MAGI2: variants seen among roughly 807,000 people sequenced by gnomAD.
The protein encoded by MAGI2 is membrane associated guanylate kinase, WW and PDZ domain containing 2, also known as membrane-associated guanylate kinase, WW and PDZ domain-containing protein 2.
In MAGI2, 35 loss-of-function variants were observed where a neutral mutation model predicts 133.3. The observed-to-expected ratio is 0.26, with a 90% confidence interval of 0.20 to 0.35. The LOEUF is 0.35. MAGI2 is among the 10% of genes least tolerant of loss of function. The pLI, the probability that MAGI2 is intolerant of heterozygous loss-of-function variation, is 1.00. For synonymous variants in MAGI2, 729 were observed against 710.6 expected, an observed-to-expected ratio of 1.03 and a Z score of -0.41; for missense variants, 1,636 against 1,863.4, an observed-to-expected ratio of 0.88 and a Z score of 2.25.
At chr7:78,391,105 C>T (rs887160089) in intron 6 of MAGI2, among the ~76,000 whole-genome samples, 1 of 152,110 alleles carries the variant, frequency 6.6e-6, no homozygotes, top group Admixed American at 6.6e-5. Context: ...ACAGCCATTA[C>T]GTATCCAGCC....
At chr7:78,423,336 A>G (rs1306330024) in intron 6 of MAGI2, among the ~76,000 whole-genome samples, 1 of 152,184 alleles carries the variant, frequency 6.6e-6, no homozygotes, top group Non-Finnish European at 1.5e-5. Context: ...GCCTTCCACC[A>G]TGATTGTGAG....
intron 1 of MAGI2, among the ~76,000 whole-genome samples, chr7:79,335,264 T>C (rs1174990797): frequency 6.6e-6 from 1 of 152,128 alleles, no homozygotes; most frequent in African/African-American, 2.4e-5. Context: ...GCAGAGCGTT[T>C]AGGTTGTGTC....
rs1212802846 is a variant in MAGI2, at chr7:79,223,185, A to G, written c.302-215979T>C. Among the ~76,000 whole-genome samples, 4 of 151,946 alleles carry G rather than the reference A, an allele frequency of 2.6e-5. No individual in the cohort carries two copies. In the South Asian group the frequency reaches 6.2e-4, roughly 24 times the overall value. On this transcript the variant is annotated intron_variant, in intron 1 of 21. Transcript: ENST00000354212. ...TAGGCGTGAGCCACTGCGCGTGGCCATATCTCATTTATTTTCATTAAAAAC... is the reference window on the plus strand; with the variant it reads ...TAGGCGTGAGCCACTGCGCGTGGCCGTATCTCATTTATTTTCATTAAAAAC...
At chr7:78,556,012 A>G (rs1376243160) in intron 3 of MAGI2, among the ~76,000 whole-genome samples, 2 of 152,208 alleles carry the variant, frequency 1.3e-5, no homozygotes. Flanking sequence ...AAATCTAGTA[A>G]CTATTAAAGG....
At chr7:78,395,866 A>G (rs969323590) in intron 6 of MAGI2, among the ~76,000 whole-genome samples, 1 of 152,190 alleles carries the variant, frequency 6.6e-6, no homozygotes, top group African/African-American at 2.4e-5. Context: ...ACAGCATGGG[A>G]CTAAAAATAG....
intron 2 of MAGI2, among the ~76,000 whole-genome samples, chr7:78,762,735 G>T (rs930108126): frequency 1.3e-5 from 2 of 152,206 alleles, no homozygotes; most frequent in African/African-American, 2.4e-5. Context: ...AAATTATGTG[G>T]TATGAATATG....
At chr7:79,445,861 G>A (rs1387809972) in intron 1 of MAGI2, among the ~76,000 whole-genome samples, 2 of 152,140 alleles carry the variant, frequency 1.3e-5, no homozygotes, top group Non-Finnish European at 2.9e-5. Context: ...AAAGACACAT[G>A]CCCACATATG....
chr7:79,006,833 CAATACTAACTTCAGA>C (rs1183948273), intron 2 of MAGI2: 2 of 347,578 alleles, frequency 5.8e-6, no homozygotes, highest in East Asian at 9.8e-5. Context: ...CAATATTTCT[CAATACTAACTTCAGA>C]AATGTAAGTT....
intron 3 of MAGI2, among the ~76,000 whole-genome samples, chr7:78,545,061 C>A (rs1692670889): frequency 6.6e-6 from 1 of 151,568 alleles, no homozygotes; most frequent in African/African-American, 2.4e-5. Context: ...CCCTATTAGA[C>A]TTTAAGCTCC....
chr7:78,755,284 TG>T lies in MAGI2; in HGVS notation c.419-128046del, dbSNP rs567165763. 4.6e-5 allele frequency among the ~76,000 whole-genome samples: 7 copies of T among 152,294 alleles called. No homozygotes were observed. The South Asian group carries it at 1.5e-3, about 32-fold the overall frequency. On this transcript the variant is annotated intron_variant, in intron 2 of 21. Transcript: ENST00000354212. ...GTCTTGGATTCTAGTTTGGCCTCAG[TG>T]GTAACTATGGCAGCTTAGGAAAATC...
At chr7:78,400,394 A>T (rs1796748876) in intron 6 of MAGI2, among the ~76,000 whole-genome samples, 1 of 152,186 alleles carries the variant, frequency 6.6e-6, no homozygotes, top group Non-Finnish European at 1.5e-5. Flanking sequence ...TCTCTCACAA[A>T]ATAGATTATA....
chr7:79,066,708 C>A (rs1035798495), intron 1 of MAGI2, among the ~76,000 whole-genome samples: 8 of 152,004 alleles, frequency 5.3e-5, no homozygotes, highest in African/African-American at 1.9e-4. Context: ...AATGGTATTG[C>A]CTAGATTTTC....
chr7:78,949,800 C>T (rs369008912), intron 2 of MAGI2, among the ~76,000 whole-genome samples: 72 of 152,292 alleles, frequency 4.7e-4, no homozygotes, highest in African/African-American at 1.6e-3. Context: ...TCTCTCACAT[C>T]TCCACCTATA....
intron 6 of MAGI2, among the ~76,000 whole-genome samples, chr7:78,391,782 G>A (rs745962636): frequency 2.0e-5 from 3 of 152,104 alleles, no homozygotes; most frequent in Non-Finnish European, 4.4e-5. Context: ...GACACTATTG[G>A]CATCACCTAG....
In MAGI2 at chr7:78,853,332, CTTTTTTTTTTTTTTTTTTTT is replaced by C. The variant is rs60580466; in HGVS notation, c.418+153738_418+153757del. 1.6e-3 allele frequency among the ~76,000 whole-genome samples: 39 copies of C among 25,072 alleles called. 1 individual carries two copies. The South Asian group carries it at 0.019, about 12-fold the overall frequency. 16.4% of individuals were successfully genotyped at this position (25,072 alleles called of 152,430 possible). ...CTCATATTACTCTTGTCCATTCGTT[CTTTTTTTTTTTTTTTTTTTT>C]TTTTTTTTTTTTTTTTTTTTTGAGA... On this transcript the variant is annotated intron_variant, in intron 2 of 21. Transcript: ENST00000354212.
intron 6 of MAGI2, among the ~76,000 whole-genome samples, chr7:78,442,873 T>C (rs1787764345): frequency 6.6e-6 from 1 of 152,222 alleles, no homozygotes; most frequent in Non-Finnish European, 1.5e-5. Flanking sequence ...TGTTTGCTCC[T>C]GTCTATAATA....
At chr7:78,857,514 G>A (rs1452157150) in intron 2 of MAGI2, among the ~76,000 whole-genome samples, 1 of 152,172 alleles carries the variant, frequency 6.6e-6, no homozygotes, top group African/African-American at 2.4e-5. Context: ...AGATAATCAT[G>A]TGGTTTTTGT....
intron 3 of MAGI2, among the ~76,000 whole-genome samples, chr7:78,549,863 G>A (rs1172660934): frequency 2.6e-5 from 4 of 152,136 alleles, no homozygotes; most frequent in African/African-American, 9.7e-5. Context: ...ATTTTCTGAT[G>A]GAAATCTTGC....
chr7:78,507,612 G>T (rs1182077903), intron 4 of MAGI2, among the ~76,000 whole-genome samples: 1 of 152,096 alleles, frequency 6.6e-6, no homozygotes, highest in African/African-American at 2.4e-5. Flanking sequence ...ACTATATAGA[G>T]TACTACAATA....
Sources: allele counts gnomAD v4.1 joint callset (sites outside exome capture counted in the v4.1 genomes callset), GRCh38; gene constraint gnomAD v4.1.1; transcripts MANE v1.5; gene names NCBI Gene and HGNC (gene_info 2026-07-23, HGNC 2026-07-21).